The following IGF1R variants were observed in gnomAD, a reference collection of about 807,000 sequenced individuals.
IGF1R encodes the protein insulin like growth factor 1 receptor, also known as insulin-like growth factor 1 receptor.
A neutral mutation model predicts 144.6 loss-of-function variants in IGF1R; 44 were observed. The ratio of observed to expected loss-of-function variants is 0.30; its 90% CI spans 0.24 to 0.39. The LOEUF (loss-of-function observed/expected upper bound fraction) is 0.39, where lower values mean the gene tolerates loss of function less well. Among genes scored for constraint, IGF1R ranks in the 10% least tolerant of loss-of-function variants. The pLI, the probability that IGF1R is intolerant of heterozygous loss-of-function variation, is 1.00. For synonymous variants in IGF1R, 795 were observed against 722.8 expected (o/e 1.10, Z -1.60); for missense variants, 1,355 against 1,833.7 (o/e 0.74, Z 4.77).
intron 2 of IGF1R, among the ~76,000 whole-genome samples, chr15:98,750,913 C>T (rs552720009): frequency 1.1e-3 from 165 of 152,162 alleles, no homozygotes; most frequent in African/African-American, 3.8e-3. Flanking sequence ...CTCAGCCTCC[C>T]GAGTAGCTGG....
chr15:98,753,380 C>CTGTT, intron 2 of IGF1R, among the ~76,000 whole-genome samples: 1 of 60,286 alleles, frequency 1.7e-5, no homozygotes, highest in Non-Finnish European at 2.9e-5. Flanking sequence ...CCATACCTGG[C>CTGTT]TTTTTTTTTT....
chr15:98,746,363 G>A (rs769498261), intron 2 of IGF1R, among the ~76,000 whole-genome samples: 32 of 152,156 alleles, frequency 2.1e-4, no homozygotes, highest in Non-Finnish European at 4.1e-4. Flanking sequence ...CAGGTGCAGG[G>A]TTCTCTGGAA....
intron 2 of IGF1R, among the ~76,000 whole-genome samples, chr15:98,717,320 G>A (rs1370716820): frequency 7.5e-6 from 1 of 134,008 alleles, no homozygotes; most frequent in Non-Finnish European, 1.6e-5. Context: ...TTGGTAAATG[G>A]TGGCAGCTGC....
chr15:98,650,466 G>A (rs529700892), intron 1 of IGF1R, among the ~76,000 whole-genome samples: 42 of 152,348 alleles, frequency 2.8e-4, no homozygotes, highest in African/African-American at 9.4e-4. Flanking sequence ...AGCGCCACTG[G>A]GTCCCCAGTT....
chr15:98,649,503 T>C lies in IGF1R; in HGVS notation c.-79T>C. The C allele has an allele frequency of 9.9e-7, 1 of 1,007,850 alleles. No individual in the cohort carries two copies. The allele number at this position is 1,007,850 out of a possible 1,614,324, so 62.4% of individuals were successfully genotyped here. A position where few individuals can be genotyped will look rare whatever the true frequency, so the allele number is the denominator to read the frequency against. ...TGAGTTTGAGACTTGTTTCCTTTCA[T>C]TTCCTTTTTTTCTTTTCTTTTCTTT... On this transcript the variant is annotated 5_prime_UTR_variant, in exon 1 of 21. Transcript: ENST00000650285.
chr15:98,817,914 G>A (rs1268724548), intron 2 of IGF1R, among the ~76,000 whole-genome samples: 1 of 152,158 alleles, frequency 6.6e-6, no homozygotes, highest in Non-Finnish European at 1.5e-5. Flanking sequence ...GTCATGGTTG[G>A]AGAAGCATAT....
intron 1 of IGF1R, among the ~76,000 whole-genome samples, chr15:98,651,490 G>GT (rs1217170508): frequency 1.3e-5 from 2 of 152,220 alleles, no homozygotes; most frequent in African/African-American, 2.4e-5. Context: ...CGGTTTAGAA[G>GT]ACACGGGAGA....
At chr15:98,914,581 G>A (rs970345156) in intron 8 of IGF1R, among the ~76,000 whole-genome samples, 4 of 152,218 alleles carry the variant, frequency 2.6e-5, no homozygotes, top group African/African-American at 7.2e-5. Context: ...CAGAGGTTCA[G>A]TGCAACAGAA....
intron 2 of IGF1R, among the ~76,000 whole-genome samples, chr15:98,865,605 GAACTCCT>G (rs2012393369): frequency 6.6e-6 from 1 of 152,218 alleles, no homozygotes; most frequent in Non-Finnish European, 1.5e-5. Context: ...GGGAAGATAT[GAACTCCT>G]TGGGGTTTTT....
In IGF1R at chr15:98,883,305, G is replaced by T. The variant is rs192031982; in HGVS notation, c.641-8020G>T. On this transcript the variant is annotated intron_variant, in intron 2 of 20. Coordinates refer to ENST00000650285, the MANE Select transcript of IGF1R (RefSeq NM_000875.5). ...GAATCTCTAGGCAGTGGCTCAGTGG[G>T]GTTTTTTTCCAACCATTCCTTAGGA... is the stretch of plus-strand genomic sequence containing the variant. Among the ~76,000 whole-genome samples the T allele has an allele frequency of 6.6e-5, 10 of 152,274 alleles. No individual in the cohort carries two copies. In the East Asian group the frequency reaches 1.9e-3, roughly 29 times the overall value.
intron 1 of IGF1R, among the ~76,000 whole-genome samples, chr15:98,678,442 T>C (rs945577477): frequency 2.6e-5 from 4 of 151,916 alleles, no homozygotes; most frequent in South Asian, 2.1e-4. Context: ...GGCAATAAAC[T>C]GTCCTTTGAA....
At position 98,649,683 on chromosome 15, in the gene IGF1R, T is replaced by G; in HGVS notation, c.94+8T>G. ...GGCCGACGAGTGGAGAAAGTGAGTA[T>G]GTGCCCGCCGCCCGCGGCCACTGCG... On this transcript the variant is annotated splice_region_variant and intron_variant, in intron 1 of 20. Transcript: ENST00000650285. 6.2e-7 allele frequency: 1 copy of G among 1,602,100 alleles called. No homozygotes were observed. Among genetic ancestry groups the G allele is most frequent in the East Asian group, 2.2e-5 (1 of 44,598 alleles).
intron 2 of IGF1R, among the ~76,000 whole-genome samples, chr15:98,708,845 G>A (rs540355204): frequency 1.3e-5 from 2 of 152,188 alleles, no homozygotes; most frequent in African/African-American, 4.8e-5. Flanking sequence ...AAGATTTCAC[G>A]AGTGAAGGAA....
chr15:98,709,481 A>G (rs1343826293), intron 2 of IGF1R, among the ~76,000 whole-genome samples: 2 of 152,238 alleles, frequency 1.3e-5, no homozygotes, highest in Non-Finnish European at 2.9e-5. Flanking sequence ...CTGGAGTTGG[A>G]GGGAGATCTT....
intron 2 of IGF1R, among the ~76,000 whole-genome samples, chr15:98,869,069 T>G (rs148525231): frequency 5.5e-4 from 84 of 152,260 alleles, no homozygotes; most frequent in Non-Finnish European, 1.1e-3. Flanking sequence ...CTCCTAAAAG[T>G]GGTTTCTCAG....
intron 2 of IGF1R, among the ~76,000 whole-genome samples, chr15:98,824,819 T>C (rs2056862778): frequency 6.6e-6 from 1 of 151,998 alleles, no homozygotes; most frequent in South Asian, 2.1e-4. Context: ...TGTTTCGTTC[T>C]TTATTTTTTA....
chr15:98,916,355 A>C, intron 9 of IGF1R: 1 of 550,638 alleles, frequency 1.8e-6, no homozygotes, highest in Non-Finnish European at 3.2e-6. Flanking sequence ...TCTGCCTCCC[A>C]GGTTCAAGCA....
chr15:98,954,555 G>A (rs934967543), intron 20 of IGF1R, among the ~76,000 whole-genome samples: 13 of 152,198 alleles, frequency 8.5e-5, no homozygotes, highest in African/African-American at 2.9e-4. Context: ...AGCACTGGAA[G>A]GGTTGTTACT....
At chr15:98,910,947 G>T (rs972035920) in intron 6 of IGF1R, among the ~76,000 whole-genome samples, 1 of 152,180 alleles carries the variant, frequency 6.6e-6, no homozygotes, top group Non-Finnish European at 1.5e-5. Context: ...CAGCCTAAAG[G>T]CTCACCTTCA....
Sources: allele counts gnomAD v4.1 joint callset (sites outside exome capture counted in the v4.1 genomes callset), GRCh38; gene constraint gnomAD v4.1.1; transcripts MANE v1.5; gene names NCBI Gene and HGNC (gene_info 2026-07-23, HGNC 2026-07-21).